Variants in ITGAE observed in about 807,000 individuals in gnomAD.
ITGAE encodes integrin subunit alpha E.
In ITGAE, 99 loss-of-function variants were observed where a neutral mutation model predicts 136.5. The observed-to-expected ratio is 0.73, with a 90% CI of 0.62 to 0.86. ITGAE has a LOEUF of 0.86. Among genes scored for constraint, ITGAE ranks in the 40% least tolerant of loss-of-function variants. ITGAE has a pLI of 0.00. For synonymous variants in ITGAE, 613 were observed against 591.8 expected (o/e 1.04, Z -0.52); for missense variants, 1,447 against 1,515.3 (o/e 0.95, Z 0.75).
chr17:3,731,209 A>G (rs2051334359), intron 22 of ITGAE, 26 bp from the exon 23 acceptor site: 1 of 1,581,860 alleles, frequency 6.3e-7, no homozygotes, highest in South Asian at 1.1e-5. Flanking sequence ...AAAAATGGTC[A>G]GTTGATTCTC....
chr17:3,727,868 T>C (rs1226437206), intron 26 of ITGAE, 51 bp downstream of exon 26: 2 of 1,104,884 alleles, frequency 1.8e-6, no homozygotes, highest in African/African-American at 3.1e-5. Context: ...CTTGAGACTC[T>C]GTAGTCACTG....
intron 26 of ITGAE, chr17:3,725,008 A>G (rs774192597): frequency 6.2e-7 from 1 of 1,614,222 alleles, no homozygotes; most frequent in Admixed American, 1.7e-5. Flanking sequence ...CGCTTTAAAA[A>G]GGGCCAAAAG....
intron 8 of ITGAE, among the ~76,000 whole-genome samples, chr17:3,758,811 G>GC (rs1049243564): frequency 4.6e-5 from 7 of 151,894 alleles, no homozygotes; most frequent in African/African-American, 1.7e-4. Context: ...CCTTCAGTTT[G>GC]CCCGGGGTCA....
intron 15 of ITGAE, among the ~76,000 whole-genome samples, chr17:3,751,027 C>A (rs1200339056): frequency 6.6e-6 from 1 of 151,796 alleles, no homozygotes; most frequent in African/African-American, 2.4e-5. Context: ...GACGTGGGAA[C>A]TGACAGGCTG....
intron 1 of ITGAE, among the ~76,000 whole-genome samples, chr17:3,790,531 C>A (rs9902054): frequency 0.39 from 58,622 of 150,410 alleles, 13,498 homozygotes; most frequent in African/African-American, 0.67. Flanking sequence ...CACACACACA[C>A]AAAAGAAAAA....
intron 29 of ITGAE, 55 bp downstream of exon 29, chr17:3,720,252 C>A: frequency 2.4e-6 from 2 of 844,254 alleles, no homozygotes; most frequent in South Asian, 2.7e-5. Flanking sequence ...TGGAGGTGCT[C>A]AAAGGTTAGG....
chr17:3,786,039 C>T (rs2052787898), intron 1 of ITGAE, among the ~76,000 whole-genome samples: 1 of 151,518 alleles, frequency 6.6e-6, no homozygotes, highest in Non-Finnish European at 1.5e-5. Context: ...TGGTGGCGGG[C>T]GCCTGTAGTC....
At chr17:3,749,063 C>A (rs2143018263) in intron 16 of ITGAE, among the ~76,000 whole-genome samples, 1 of 152,176 alleles carries the variant, frequency 6.6e-6, no homozygotes, top group South Asian at 2.1e-4. Context: ...ACAGTGCCTG[C>A]ACTGGTCTGG....
At chr17:3,724,167 C>T in intron 26 of ITGAE, 1 of 1,593,198 alleles carries the variant, frequency 6.3e-7, no homozygotes, top group Non-Finnish European at 8.5e-7. Flanking sequence ...CCCGGTGAGG[C>T]GGCGGCGGAG....
chr17:3,774,838 G>A (rs148880742), intron 2 of ITGAE, among the ~76,000 whole-genome samples: 10 of 152,166 alleles, frequency 6.6e-5, no homozygotes, highest in Non-Finnish European at 1.2e-4. Flanking sequence ...AATGAGCCTC[G>A]GATCTCATGA....
chr17:3,737,704 A>T (rs953828005), intron 20 of ITGAE, among the ~76,000 whole-genome samples: 1 of 152,164 alleles, frequency 6.6e-6, no homozygotes, highest in Non-Finnish European at 1.5e-5. Context: ...CGGAATGCCA[A>T]AATTTATGTA....
chr17:3,777,427 T>C, intron 2 of ITGAE, 113 bp downstream of exon 2: 3 of 1,339,370 alleles, frequency 2.2e-6, no homozygotes, highest in Non-Finnish European at 3.1e-6. Flanking sequence ...GAGAAAGGAG[T>C]TCCTCTCCTG....
chr17:3,720,259 T>C, intron 29 of ITGAE, 48 bp downstream of exon 29: 1 of 881,108 alleles, frequency 1.1e-6, no homozygotes, highest in Non-Finnish European at 1.9e-6. Flanking sequence ...GCTCAAAGGT[T>C]AGGCACAATT....
intron 1 of ITGAE, among the ~76,000 whole-genome samples, chr17:3,795,652 C>T (rs1239814019): frequency 2.6e-5 from 4 of 152,232 alleles, no homozygotes; most frequent in Admixed American, 2.0e-4. Context: ...CCTCAAGAAG[C>T]TGGGCACTGC....
At chr17:3,737,815 G>A (rs1320827424) in intron 20 of ITGAE, among the ~76,000 whole-genome samples, 4 of 152,124 alleles carry the variant, frequency 2.6e-5, no homozygotes, top group Non-Finnish European at 5.9e-5. Flanking sequence ...GCTGGACACC[G>A]ACGACCAGGC....
intron 2 of ITGAE, among the ~76,000 whole-genome samples, chr17:3,767,096 T>C (rs1159119953): frequency 2.6e-5 from 4 of 151,832 alleles, no homozygotes; most frequent in Non-Finnish European, 5.9e-5. Context: ...AAATTCTTTT[T>C]TTTTTTTTTC....
At chr17:3,776,152 G>C (rs2052535041) in intron 2 of ITGAE, among the ~76,000 whole-genome samples, 1 of 145,678 alleles carries the variant, frequency 6.9e-6, no homozygotes. Context: ...CCACCTCCCA[G>C]GTTCAAGCAA....
At chr17:3,751,326 G>GTTC (rs2051859613) in intron 15 of ITGAE, among the ~76,000 whole-genome samples, 1 of 151,986 alleles carries the variant, frequency 6.6e-6, no homozygotes, top group Admixed American at 6.6e-5. Context: ...GACAGAAAGA[G>GTTC]AGGAAGCAGG....
At chr17:3,797,521 T>C (rs1441058922) in intron 1 of ITGAE, among the ~76,000 whole-genome samples, 1 of 141,040 alleles carries the variant, frequency 7.1e-6, no homozygotes, top group Non-Finnish European at 1.5e-5. Flanking sequence ...AGTGCAGTGG[T>C]GTGATCTCAG....
Sources: allele counts gnomAD v4.1 joint callset (sites outside exome capture counted in the v4.1 genomes callset), GRCh38; gene constraint gnomAD v4.1.1; transcripts MANE v1.5; gene names NCBI Gene and HGNC (gene_info 2026-07-23, HGNC 2026-07-21).